The following DENND4B variants were observed in gnomAD, a reference collection of about 807,000 sequenced individuals.
DENND4B encodes the protein DENN domain containing 4B.
A neutral mutation model predicts 161.0 loss-of-function variants in DENND4B; 67 were observed. The observed-to-expected ratio is 0.42, with a 90% CI of 0.34 to 0.51. The LOEUF is 0.51. Ranked by LOEUF, DENND4B falls within the 20% of genes least tolerant of loss-of-function variation. The pLI, the probability that DENND4B is intolerant of heterozygous loss-of-function variation, is 0.08. For synonymous variants in DENND4B, 753 were observed against 813.8 expected, an observed-to-expected ratio of 0.93 and a Z score of 1.27; for missense variants, 1,481 against 1,968.0, an observed-to-expected ratio of 0.75 and a Z score of 4.68.
In DENND4B at chr1:153,939,744, A is replaced by G; in HGVS notation, c.1664T>C (p.Val555Ala). Reference sequence around the variant, plus strand: ...CTCCAGCCGGGCCCTGCGGCCACACACTGCCTCGTAGTCTGTCAGTAGGAA... The same window carrying G: ...CTCCAGCCGGGCCCTGCGGCCACACGCTGCCTCGTAGTCTGTCAGTAGGAA... ...LEFLLTDYEAVCGRRARLERE... is the reference protein window; with the variant it reads ...LEFLLTDYEAACGRRARLERE... Residue 555 changes from valine (V) to alanine (A), a missense_variant, in exon 12 of 28, where the codon GTG becomes GCG. Coordinates refer to ENST00000361217, the MANE Select transcript of DENND4B (RefSeq NM_014856.3). 1.2e-6 allele frequency: 2 copies of G among 1,613,894 alleles called. No homozygotes were observed. The highest frequency in any genetic ancestry group is 1.7e-6 in the Non-Finnish European group (2 of 1,179,882).
chr1:153,941,485 C>T, intron 6 of DENND4B, 45 bp from the exon 7 acceptor site: 1 of 1,558,784 alleles, frequency 6.4e-7, no homozygotes, highest in Non-Finnish European at 8.7e-7. Context: ...CCCGTCCATC[C>T]CTGTCCTCCC....
Position 153,933,290 on chromosome 1 carries a change from G to A in DENND4B, c.3360C>T (p.Asp1120=), listed in dbSNP as rs1435468493. Residue 1120 remains aspartate, a synonymous_variant, in exon 21 of 28, where the codon GAC becomes GAT. Coordinates refer to ENST00000361217, the MANE Select transcript of DENND4B (RefSeq NM_014856.3). The surrounding 1 kb of genome is among the most constrained non-coding windows in gnomAD (Gnocchi z 5.7). ...ESSASLGSEW[D]LSESSLSNLS... ...GGTTGCTGAGAGAAGATTCTGAGAG[G>A]TCCCACTCACTGCCCAGAGAGGCTG... 6.2e-7 allele frequency: 1 copy of A among 1,613,204 alleles called. No homozygotes were observed.
At position 153,941,985 on chromosome 1, in the gene DENND4B, G is replaced by A. The variant is rs758209461; in HGVS notation, c.939C>T (p.Arg313=). Residue 313 remains arginine (R), a synonymous_variant, in exon 6 of 28, where the codon CGC becomes CGT. Coordinates refer to ENST00000361217, the MANE Select transcript of DENND4B (RefSeq NM_014856.3). The part of the protein sequence containing the change: ...RGRALGGRAV[R]SRRAIAVLSR... ...ACAGCACAGCGATGGCACGCCGGCT[G>A]CGCACAGCTCTGCCCCCCAGTGCCC... 8 of 1,612,324 alleles carry A rather than the reference G, an allele frequency of 5.0e-6. No homozygotes were observed. In the South Asian group the frequency reaches 5.5e-5, roughly 11 times the overall value.
rs1679953256 is a variant in DENND4B, at chr1:153,946,133, T to C, written c.-24+168A>G. Among the ~76,000 whole-genome samples, 1 of 152,052 alleles carries C rather than the reference T, an allele frequency of 6.6e-6. No individual in the cohort carries two copies. The highest frequency in any genetic ancestry group is 2.4e-5 in the African/African-American group (1 of 41,426). The stretch of plus-strand genomic sequence containing the variant: ...CAGGAGGCCGGGCACGGCGAGCTAA[T>C]TGCGGGAGGTGCCCTCCCCTCCACT... On this transcript the variant is annotated intron_variant, in intron 1 of 27. Transcript: ENST00000361217. This position sits in a 1 kb window ranked among gnomAD's most constrained non-coding sequence, Gnocchi z 6.3.
At chr1:153,943,241 T>C in intron 2 of DENND4B, 111 bp from the exon 3 acceptor site, 1 of 1,442,098 alleles carries the variant, frequency 6.9e-7, no homozygotes, top group Non-Finnish European at 9.4e-7. Flanking sequence ...ACCCACAGCC[T>C]TGTCAAACTC....
In DENND4B at chr1:153,930,066, C is replaced by G. The variant is rs748138754; in HGVS notation, c.*231G>C. On this transcript the variant is annotated 3_prime_UTR_variant, in exon 28 of 28. Coordinates refer to ENST00000361217, the MANE Select transcript of DENND4B (RefSeq NM_014856.3). The surrounding 1 kb of genome is among the most constrained non-coding windows in gnomAD (Gnocchi z 4.7). ...AAGAACAGAGCTGTACCAACTCCCC[C>G]CAGATCTCCCCCAACATCAGCACGA... The G allele has an allele frequency of 5.0e-6, 3 of 601,208 alleles. No homozygotes were observed. The highest frequency in any genetic ancestry group is 2.0e-5 in the South Asian group (1 of 48,850). 37.2% of individuals were successfully genotyped at this position (601,208 alleles called of 1,614,324 possible). A position where few individuals can be genotyped will look rare whatever the true frequency, so the allele number is the denominator to read the frequency against.
At chr1:153,938,377 C>T (rs1679470772) in intron 13 of DENND4B, among the ~76,000 whole-genome samples, 1 of 150,796 alleles carries the variant, frequency 6.6e-6, no homozygotes, top group African/African-American at 2.4e-5. Context: ...CCACTGCACT[C>T]CAGCCTGGGA....
Position 153,933,202 on chromosome 1 carries a change from G to C in DENND4B, c.3448C>G (p.Leu1150Val), listed in dbSNP as rs774395308. The C allele has an allele frequency of 1.2e-6, 2 of 1,613,080 alleles. No homozygotes were observed. The highest frequency in any genetic ancestry group is 1.7e-6 in the Non-Finnish European group (2 of 1,179,520). ...DTPGSFQSPS[L>V]EILLSSCSLC... Reference sequence around the variant, plus strand: ...GTGGGAGGGGTTATCCTCACTTCCAGGGAAGGTGACTGGAAGGATCCAGGG... The same window carrying C: ...GTGGGAGGGGTTATCCTCACTTCCACGGAAGGTGACTGGAAGGATCCAGGG... The change falls in exon 21 of 28, where the codon CTG becomes GTG. Residue 1150 changes from leucine (L) to valine (V), a missense_variant. Physicochemically the swap from Leu to Val is conservative, Grantham distance 32. Transcript: ENST00000361217. This position sits in a 1 kb window ranked among gnomAD's most constrained non-coding sequence, Gnocchi z 5.7.
Position 153,946,682 on chromosome 1 carries a change from C to G in DENND4B, c.-405G>C, listed in dbSNP as rs1280721953. 3 of 377,294 alleles carry G rather than the reference C, an allele frequency of 8.0e-6. No individual in the cohort carries two copies. The East Asian group carries it at 1.1e-4, about 14-fold the overall frequency. The allele number at this position is 377,294 out of a possible 1,614,324, so 23.4% of individuals were successfully genotyped here. ...GGGCGCCGCCGCTACCCCCACCCCT[C>G]CTCCTCGGCCGGCGGCCGTGACCCT... On this transcript the variant is annotated 5_prime_UTR_variant, in exon 1 of 28. Transcript: ENST00000361217. This position sits in a 1 kb window ranked among gnomAD's most constrained non-coding sequence, Gnocchi z 6.3.
In DENND4B at chr1:153,932,823, C is replaced by T; in HGVS notation, c.3623+38G>A. ...GGGTCAGCTTTTGGACCTTCACCTC[C>T]CTATTCCCACCCACAGCACTTGCCC... On this transcript the variant is annotated intron_variant, in intron 22 of 27. Coordinates refer to ENST00000361217, the MANE Select transcript of DENND4B (RefSeq NM_014856.3). The surrounding 1 kb of genome is among the most constrained non-coding windows in gnomAD (Gnocchi z 5.8). 6.8e-6 allele frequency: 11 copies of T among 1,613,548 alleles called. No individual in the cohort carries two copies. The highest frequency in any genetic ancestry group is 8.5e-6 in the Non-Finnish European group (10 of 1,179,552).
chr1:153,946,355 C>T lies in DENND4B; in HGVS notation c.-78G>A. On this transcript the variant is annotated 5_prime_UTR_variant, in exon 1 of 28. Coordinates refer to ENST00000361217, the MANE Select transcript of DENND4B (RefSeq NM_014856.3). The surrounding 1 kb of genome is among the most constrained non-coding windows in gnomAD (Gnocchi z 6.3). ...GCTGGCGGGTGGCTCGGAGGGCGAG[C>T]TGGCGGGCCGGCGGGCGGCGGGGCT... is the stretch of plus-strand genomic sequence containing the variant. 1 of 375,174 alleles carries T rather than the reference C, an allele frequency of 2.7e-6. No homozygotes were observed. The highest frequency in any genetic ancestry group is 4.7e-6 in the Non-Finnish European group (1 of 210,800). The allele number at this position is 375,174 out of a possible 1,614,324, so 23.2% of individuals were successfully genotyped here. A position where few individuals can be genotyped will look rare whatever the true frequency, so the allele number is the denominator to read the frequency against.
Position 153,944,245 on chromosome 1 carries a change from C to G in DENND4B, c.130G>C (p.Ala44Pro). The change falls in exon 2 of 28, where the codon GCT becomes CCT. Residue 44 changes from alanine to proline, a missense_variant. Ala to Pro is a conservative substitution (Grantham distance 27). Transcript: ENST00000361217. This position sits in a 1 kb window ranked among gnomAD's most constrained non-coding sequence, Gnocchi z 4.8. ...PSGPLRPPRP[A>P]EPITDVAVIA... ...ACTGCCACATCTGTGATGGGCTCAG[C>G]TGGCCGGGGAGGGCGCAGGGGCCCA... The G allele has an allele frequency of 6.2e-7, 1 of 1,601,954 alleles. No homozygotes were observed. Among genetic ancestry groups the G allele is most frequent in the Non-Finnish European group, 8.5e-7 (1 of 1,173,658 alleles).
intron 17 of DENND4B, 175 bp downstream of exon 17, chr1:153,935,885 G>C: frequency 1.3e-6 from 1 of 743,366 alleles, no homozygotes; most frequent in South Asian, 1.9e-5. Flanking sequence ...AAGCAGCCTC[G>C]TCTGAGAAAC....
Position 153,930,699 on chromosome 1 carries a change from G to T in DENND4B, c.4273C>A (p.Leu1425Met). The change falls in exon 26 of 28, where the codon CTG becomes ATG. Residue 1425 changes from leucine to methionine, a missense_variant. Transcript: ENST00000361217. This position sits in a 1 kb window ranked among gnomAD's most constrained non-coding sequence, Gnocchi z 4.7. ...CAGATGGTAGCACCATACCTCTGCA[G>T]GTGCAGGCCAGTGGGTGGGGGCCCT... ...TLGPPPTGLH[L>M]QRGIYREILF... is the part of the protein sequence containing the mutation. 1 of 1,612,558 alleles carries T rather than the reference G, an allele frequency of 6.2e-7. No individual in the cohort carries two copies. The highest frequency in any genetic ancestry group is 8.5e-7 in the Non-Finnish European group (1 of 1,179,110).
chr1:153,932,872 A>T lies in DENND4B; in HGVS notation c.3612T>A (p.Asp1204Glu), dbSNP rs1679051152. 6.2e-7 allele frequency: 1 copy of T among 1,613,796 alleles called. No homozygotes were observed. The highest frequency in any genetic ancestry group is 1.3e-5 in the African/African-American group (1 of 74,914). Residue 1204 changes from aspartate (D) to glutamate (E), a missense_variant, in exon 22 of 28, where the codon GAT (aspartate) becomes GAA (glutamate). Physicochemically the swap from Asp to Glu is conservative, Grantham distance 45 (BLOSUM62 2). Around this residue, in one of 3 missense-constraint regions of DENND4B, gnomAD observed 336 missense variants for 503.3 expected, o/e 0.67. Coordinates refer to ENST00000361217, the MANE Select transcript of DENND4B (RefSeq NM_014856.3). The surrounding 1 kb of genome is among the most constrained non-coding windows in gnomAD (Gnocchi z 5.8). ...CCTGCCTTGGGCACCTGGGCCGGGA[A>T]TCAAGGGTCTGGACACTGAGCAGGG... is the stretch of plus-strand genomic sequence containing the variant. ...FVPLLSVQTL[D>E]SRPSVPSPKS...
intron 24 of DENND4B, among the ~76,000 whole-genome samples, chr1:153,931,917 C>T (rs1298410415): frequency 6.6e-6 from 1 of 152,072 alleles, no homozygotes; most frequent in Non-Finnish European, 1.5e-5. Context: ...AATTCTCCCA[C>T]CTCAGCCTCC....
chr1:153,938,752 A>G (rs1679496975), intron 13 of DENND4B, 148 bp downstream of exon 13: 1 of 415,080 alleles, frequency 2.4e-6, no homozygotes. Flanking sequence ...TAAAAATTAA[A>G]ATAAATAAAT....
chr1:153,931,400 G>A (rs1008227524), intron 24 of DENND4B, among the ~76,000 whole-genome samples: 1 of 152,024 alleles, frequency 6.6e-6, no homozygotes, highest in Non-Finnish European at 1.5e-5. Flanking sequence ...AGGTGCTTAT[G>A]CCATTTTACA....
Position 153,938,962 on chromosome 1 carries a change from C to G in DENND4B, c.1903G>C (p.Glu635Gln), listed in dbSNP as rs1304367478. Residue 635 changes from glutamate (E) to glutamine (Q), a missense_variant, in exon 13 of 28, where the codon GAG becomes CAG. This residue lies in a region of DENND4B where 806 missense variants were observed against 1,134.4 expected (regional missense o/e 0.71). Transcript: ENST00000361217. ...HTQMFSQFIE[E>Q]CSFGSARHAA... ...TGGCGAGCAGAGCCAAAAGAGCACTCCTCAATGAACTGTGAGAACATCTGT... is the reference window on the plus strand; with the variant it reads ...TGGCGAGCAGAGCCAAAAGAGCACTGCTCAATGAACTGTGAGAACATCTGT... 1 of 1,610,036 alleles carries G rather than the reference C, an allele frequency of 6.2e-7. No individual in the cohort carries two copies.
Sources: allele counts gnomAD v4.1 joint callset (sites outside exome capture counted in the v4.1 genomes callset), GRCh38; gene constraint gnomAD v4.1.1; regional missense constraint gnomAD v4.1.1; non-coding constraint Gnocchi (gnomAD v3.1); transcripts MANE v1.5; gene names NCBI Gene and HGNC (gene_info 2026-07-23, HGNC 2026-07-21).